The following WDR7 variants were observed in gnomAD, a reference collection of about 807,000 sequenced individuals.
The protein encoded by WDR7 is WD repeat-containing protein 7.
Under a neutral mutation model 169.4 loss-of-function variants are expected in WDR7, and 46 were observed. The observed-to-expected ratio is 0.27, with a 90% CI of 0.21 to 0.35. The LOEUF is 0.35. WDR7 is among the 10% of genes least tolerant of loss of function. WDR7 has a pLI of 1.00. For synonymous variants in WDR7, 612 were observed against 666.8 expected (o/e 0.92, Z 1.27); for missense variants, 1,534 against 1,859.3 (o/e 0.83, Z 3.22).
intron 25 of WDR7, among the ~76,000 whole-genome samples, chr18:56,944,849 T>G (rs1474784283): frequency 6.6e-6 from 1 of 152,202 alleles, no homozygotes; most frequent in Non-Finnish European, 1.5e-5. Context: ...TTCAAACCTA[T>G]TAATTCACAA....
At chr18:56,992,607 A>G (rs2047834227) in intron 26 of WDR7, among the ~76,000 whole-genome samples, 1 of 152,220 alleles carries the variant, frequency 6.6e-6, no homozygotes, top group Non-Finnish European at 1.5e-5. Context: ...TTAGGGCCAC[A>G]CGGAACATAT....
At chr18:56,903,788 A>G (rs1247470292) in intron 21 of WDR7, among the ~76,000 whole-genome samples, 7 of 152,172 alleles carry the variant, frequency 4.6e-5, no homozygotes, top group African/African-American at 1.7e-4. Flanking sequence ...TATGGACCAC[A>G]AGTAGATTCC....
chr18:56,982,901 A>G (rs894676386), intron 26 of WDR7, among the ~76,000 whole-genome samples: 3 of 152,198 alleles, frequency 2.0e-5, no homozygotes, highest in Admixed American at 2.0e-4. Context: ...TCTAAAATCT[A>G]TGTCTGTCTT....
intron 20 of WDR7, among the ~76,000 whole-genome samples, chr18:56,841,437 G>A (rs769120328): frequency 6.6e-5 from 10 of 151,272 alleles, no homozygotes; most frequent in Admixed American, 2.0e-4. Flanking sequence ...GCAGCTACTT[G>A]GGAGGCTGCT....
intron 7 of WDR7, 84 bp from the exon 8 acceptor site, chr18:56,691,132 C>T (rs1188613986): frequency 2.0e-6 from 3 of 1,497,318 alleles, no homozygotes; most frequent in African/African-American, 1.5e-5. Flanking sequence ...CATTTCCAGG[C>T]TTTTTTTTTA....
intron 25 of WDR7, among the ~76,000 whole-genome samples, chr18:56,954,843 GA>G (rs1359606548): frequency 6.6e-6 from 1 of 152,116 alleles, no homozygotes; most frequent in Non-Finnish European, 1.5e-5. Context: ...TGAACTGAAT[GA>G]AAAAACTAAT....
rs1799577708 is a variant in WDR7 at position 56,662,120 on chromosome 18, G to A, written c.-19-10377G>A. On this transcript the variant is annotated intron_variant, in intron 1 of 27. Coordinates refer to ENST00000254442, the MANE Select transcript of WDR7 (RefSeq NM_015285.3). ...CGGTAGGTGGGTAGCTAAGGCCTGTGCCAATTCATGTATGCGCATCCTCGT... is the reference window on the plus strand; with the variant it reads ...CGGTAGGTGGGTAGCTAAGGCCTGTACCAATTCATGTATGCGCATCCTCGT... Among the ~76,000 whole-genome samples the A allele has an allele frequency of 2.6e-5, 4 of 152,326 alleles. No individual in the cohort carries two copies. In the South Asian group the frequency reaches 8.3e-4, roughly 32 times the overall value.
chr18:56,952,956 G>T (rs1176826135), intron 25 of WDR7, among the ~76,000 whole-genome samples: 1 of 152,154 alleles, frequency 6.6e-6, no homozygotes. Flanking sequence ...GATTTTCAGG[G>T]TAGTGACACT....
chr18:56,802,845 C>T (rs2044701667), intron 19 of WDR7, among the ~76,000 whole-genome samples: 1 of 151,636 alleles, frequency 6.6e-6, no homozygotes. Context: ...TTTTATGACT[C>T]ATGCCTTTGG....
At chr18:56,783,998 C>T (rs1009372311) in intron 19 of WDR7, among the ~76,000 whole-genome samples, 2 of 152,152 alleles carry the variant, frequency 1.3e-5, no homozygotes, top group Admixed American at 6.5e-5. Context: ...AATAGTAATA[C>T]CTACCATTAA....
chr18:56,740,085 T>A (rs75354656), intron 14 of WDR7, among the ~76,000 whole-genome samples: 5,306 of 152,014 alleles, frequency 0.035, 318 homozygotes, highest in African/African-American at 0.12. Context: ...GTAGGTTTCA[T>A]GTTCTTCTCT....
At chr18:56,999,797 G>A (rs1389002236) in intron 26 of WDR7, among the ~76,000 whole-genome samples, 1 of 152,122 alleles carries the variant, frequency 6.6e-6, no homozygotes. Context: ...GAAAACTGCG[G>A]AGAACCTTGT....
Position 56,830,325 on chromosome 18 carries a change from A to T in WDR7, c.3304+14181A>T, listed in dbSNP as rs542278565. On this transcript the variant is annotated intron_variant, in intron 20 of 27. Coordinates refer to ENST00000254442, the MANE Select transcript of WDR7 (RefSeq NM_015285.3). ...AATAGAAGGGGTCATTCTTCTGTTC[A>T]TGGAAAGCTATTCTTCATGATGAAT... Among the ~76,000 whole-genome samples the T allele has an allele frequency of 1.2e-4, 19 of 152,316 alleles. 1 individual carries two copies. The South Asian group carries it at 3.7e-3, about 30-fold the overall frequency.
chr18:56,686,934 C>G lies in WDR7; in HGVS notation c.677C>G (p.Thr226Arg). 1 of 1,611,430 alleles carries G rather than the reference C, an allele frequency of 6.2e-7. No homozygotes were observed. The highest frequency in any genetic ancestry group is 8.5e-7 in the Non-Finnish European group (1 of 1,177,992). The part of the protein sequence containing the change: ...NCQSISFCAF[T>R]QRSLLVVCSK... The stretch of plus-strand genomic sequence containing the variant: ...CAAAGCATCTCTTTTTGTGCATTTA[C>G]ACAAAGGTCACTTTTGGTTGTGTGT... Residue 226 changes from threonine (T) to arginine (R), a missense_variant, in exon 7 of 28, where the codon ACA becomes AGA. Physicochemically the swap from Thr to Arg is moderately conservative, Grantham distance 71. Transcript: ENST00000254442.
chr18:56,736,648 T>G (rs764007582), intron 14 of WDR7, among the ~76,000 whole-genome samples: 13 of 151,524 alleles, frequency 8.6e-5, no homozygotes, highest in Non-Finnish European at 1.6e-4. Context: ...AATTGGGGTG[T>G]GTAGGTTTAG....
At chr18:56,961,115 G>A (rs1307288025) in intron 25 of WDR7, among the ~76,000 whole-genome samples, 1 of 152,042 alleles carries the variant, frequency 6.6e-6, no homozygotes, top group African/African-American at 2.4e-5. Context: ...AAAATTTAAT[G>A]GTTTGTTTTC....
At chr18:56,900,518 C>T (rs900214883) in intron 21 of WDR7, among the ~76,000 whole-genome samples, 6 of 152,162 alleles carry the variant, frequency 3.9e-5, no homozygotes, top group Non-Finnish European at 8.8e-5. Context: ...CTCAGGGGTC[C>T]AGAGATACTA....
chr18:56,959,611 A>G (rs867145759), intron 25 of WDR7, among the ~76,000 whole-genome samples: 1 of 152,152 alleles, frequency 6.6e-6, no homozygotes, highest in African/African-American at 2.4e-5. Context: ...CCAAGACACC[A>G]TTTCCAGAAG....
intron 20 of WDR7, among the ~76,000 whole-genome samples, chr18:56,869,982 GA>G (rs1370284615): frequency 6.6e-6 from 1 of 152,102 alleles, no homozygotes; most frequent in East Asian, 1.9e-4. Context: ...ATGAGCCTAT[GA>G]AACCTGGATT....
Sources: allele counts gnomAD v4.1 joint callset (sites outside exome capture counted in the v4.1 genomes callset), GRCh38; gene constraint gnomAD v4.1.1; transcripts MANE v1.5; gene names NCBI Gene and HGNC (gene_info 2026-07-23, HGNC 2026-07-21).